Variants in MPPED2 observed in about 807,000 individuals in gnomAD.
MPPED2 encodes metallophosphoesterase MPPED2.
In MPPED2, 5 loss-of-function variants were observed where a neutral mutation model predicts 33.0. The ratio of observed to expected loss-of-function variants is 0.15; its 90% CI spans 0.08 to 0.32. The LOEUF is 0.32. Ranked by LOEUF, MPPED2 falls within the 10% of genes least tolerant of loss-of-function variation. The pLI is 1.00. For synonymous variants in MPPED2, 136 were observed against 141.9 expected, an observed-to-expected ratio of 0.96 and a Z score of 0.29; for missense variants, 275 against 372.1, an observed-to-expected ratio of 0.74 and a Z score of 2.15.
In MPPED2 at chr11:30,464,300, T is replaced by C. The variant is rs11031103; in HGVS notation, c.536+30996A>G. ...ACACACACACACACACACACACACA[T>C]ACCACTTGACTATCGTCTACATTTC... On this transcript the variant is annotated intron_variant, in intron 4 of 6. Coordinates refer to ENST00000358117, the MANE Select transcript of MPPED2 (RefSeq NM_001584.3). 0.017 allele frequency among the ~76,000 whole-genome samples: 1,880 copies of C among 112,448 alleles called. 122 individuals are homozygous for C. The East Asian group carries it at 0.27, about 16-fold the overall frequency. The allele number at this position is 112,448 out of a possible 152,430, so 73.8% of individuals were successfully genotyped here. A position where few individuals can be genotyped will look rare whatever the true frequency, so the allele number is the denominator to read the frequency against.
chr11:30,543,058 T>C (rs1955215391), intron 2 of MPPED2, among the ~76,000 whole-genome samples: 1 of 152,150 alleles, frequency 6.6e-6, no homozygotes, highest in South Asian at 2.1e-4. Flanking sequence ...AGTGAAGTAA[T>C]GACTTCTCCT....
At position 30,509,231 on chromosome 11, in the gene MPPED2, T is replaced by C. The variant is rs114595434; in HGVS notation, c.311-13710A>G. 9.9e-3 allele frequency among the ~76,000 whole-genome samples: 1,502 copies of C among 152,282 alleles called. 24 individuals are homozygous for C. Among genetic ancestry groups the C allele is most frequent in the African/African-American group, 0.034 (1,423 of 41,552 alleles). On this transcript the variant is annotated intron_variant, in intron 3 of 6. Coordinates refer to ENST00000358117, the MANE Select transcript of MPPED2 (RefSeq NM_001584.3). The stretch of plus-strand genomic sequence containing the variant: ...GAGGGCAAAGAAGTTGGCCCACCTG[T>C]AGTAAGGGCTCAATTTTGTTGAATG...
chr11:30,558,033 C>T (rs1282415155), intron 2 of MPPED2, among the ~76,000 whole-genome samples: 1 of 152,122 alleles, frequency 6.6e-6, no homozygotes, highest in South Asian at 2.1e-4. Context: ...GTGCCCATGA[C>T]CTGGCTCCAA....
At chr11:30,539,656 T>TATC (rs1296746569) in intron 2 of MPPED2, among the ~76,000 whole-genome samples, 1 of 152,190 alleles carries the variant, frequency 6.6e-6, no homozygotes, top group Non-Finnish European at 1.5e-5. Flanking sequence ...GATCTCGCTC[T>TATC]ATCACCCAGG....
At chr11:30,530,422 A>T (rs1385004257) in intron 3 of MPPED2, among the ~76,000 whole-genome samples, 2 of 152,258 alleles carry the variant, frequency 1.3e-5, no homozygotes, top group Admixed American at 1.3e-4. Context: ...CTCATTATGC[A>T]CACTGCTGTC....
chr11:30,437,175 C>A (rs1472009220), intron 4 of MPPED2, among the ~76,000 whole-genome samples: 4 of 152,128 alleles, frequency 2.6e-5, no homozygotes, highest in Admixed American at 2.6e-4. Context: ...CATTAGGATG[C>A]AATAAAAAAC....
In MPPED2 at chr11:30,543,359, C is replaced by A. The variant is rs1444671678; in HGVS notation, c.129-7184G>T. 2.0e-5 allele frequency among the ~76,000 whole-genome samples: 3 copies of A among 152,288 alleles called. No individual in the cohort carries two copies. The East Asian group carries it at 5.8e-4, about 29-fold the overall frequency. ...TGTTCTTACTACATATATCATCAAT[C>A]AGCTGTGTGACCCTGGGCAAGTCAC... On this transcript the variant is annotated intron_variant, in intron 2 of 6. Coordinates refer to ENST00000358117, the MANE Select transcript of MPPED2 (RefSeq NM_001584.3).
At chr11:30,480,160 A>G (rs1256424977) in intron 4 of MPPED2, among the ~76,000 whole-genome samples, 2 of 152,128 alleles carry the variant, frequency 1.3e-5, no homozygotes, top group East Asian at 3.9e-4. Flanking sequence ...AAGCCTTTCA[A>G]ATTAGCAGCT....
At chr11:30,556,208 G>C (rs1475725289) in intron 2 of MPPED2, among the ~76,000 whole-genome samples, 4 of 152,124 alleles carry the variant, frequency 2.6e-5, no homozygotes, top group Non-Finnish European at 5.9e-5. Flanking sequence ...GAAATGTAAG[G>C]ATCCTTGGAG....
intron 4 of MPPED2, among the ~76,000 whole-genome samples, chr11:30,476,392 A>T (rs910409187): frequency 2.0e-5 from 3 of 151,988 alleles, no homozygotes; most frequent in Admixed American, 6.6e-5. Context: ...TTCATTTTTT[A>T]AAAAAATTTA....
chr11:30,386,847 G>T, exon 7 of MPPED2: 3 of 398,410 alleles, frequency 7.5e-6, no homozygotes, highest in Non-Finnish European at 1.3e-5. Context: ...AATAGCAAAA[G>T]CAATAGTAGT....
intron 3 of MPPED2, among the ~76,000 whole-genome samples, chr11:30,516,109 A>G (rs908147501): frequency 6.6e-6 from 1 of 152,192 alleles, no homozygotes; most frequent in African/African-American, 2.4e-5. Flanking sequence ...GAGTTTGGAT[A>G]TAGCATGAGG....
At chr11:30,531,014 A>C (rs1954490753) in intron 3 of MPPED2, among the ~76,000 whole-genome samples, 1 of 152,206 alleles carries the variant, frequency 6.6e-6, no homozygotes, top group South Asian at 2.1e-4. Flanking sequence ...TTTTTAAGCC[A>C]AGTCTGGGAT....
At chr11:30,509,798 T>G (rs1236457632) in intron 3 of MPPED2, among the ~76,000 whole-genome samples, 1 of 152,178 alleles carries the variant, frequency 6.6e-6, no homozygotes, top group Non-Finnish European at 1.5e-5. Flanking sequence ...TTTGAATCAT[T>G]CCTTCCATGG....
intron 1 of MPPED2, among the ~76,000 whole-genome samples, 197 bp downstream of exon 1, chr11:30,585,845 G>C (rs550291895): frequency 2.0e-4 from 30 of 152,186 alleles, no homozygotes; most frequent in Admixed American, 1.9e-3. Flanking sequence ...GCGCCCGCTC[G>C]TGCGGATGTC....
chr11:30,440,022 T>C (rs192311356), intron 4 of MPPED2, among the ~76,000 whole-genome samples: 24 of 152,348 alleles, frequency 1.6e-4, no homozygotes, highest in Non-Finnish European at 3.1e-4. Flanking sequence ...TCTCTCTTGT[T>C]GTTTTTATAA....
intron 4 of MPPED2, among the ~76,000 whole-genome samples, chr11:30,446,942 T>A (rs1949838900): frequency 6.6e-6 from 1 of 152,220 alleles, no homozygotes; most frequent in South Asian, 2.1e-4. Context: ...ATTAGCGTTC[T>A]GAGAGGCAAA....
chr11:30,525,898 A>G (rs973298158), intron 3 of MPPED2, among the ~76,000 whole-genome samples: 5 of 152,206 alleles, frequency 3.3e-5, no homozygotes, highest in African/African-American at 1.2e-4. Flanking sequence ...GGATCACAAA[A>G]GACCTAGTCA....
At chr11:30,427,845 T>G (rs921435503) in intron 4 of MPPED2, among the ~76,000 whole-genome samples, 1 of 152,220 alleles carries the variant, frequency 6.6e-6, no homozygotes, top group Non-Finnish European at 1.5e-5. Context: ...TATTTAACTT[T>G]TTCTATAATG....
Sources: gnomAD v4.1 joint callset for allele counts (sites outside exome capture counted in the v4.1 genomes callset) on GRCh38, gnomAD v4.1.1 for gene constraint, MANE v1.5 for transcripts, NCBI Gene and HGNC (gene_info 2026-07-23, HGNC 2026-07-21) for gene names.